The following SLC25A26 variants were observed in gnomAD, a reference collection of about 807,000 sequenced individuals.
SLC25A26 encodes the protein solute carrier family 25 member 26, also known as mitochondrial S-adenosylmethionine carrier protein.
SLC25A26 carries 36 observed loss-of-function variants against 37.8 expected under a neutral mutation model. The ratio of observed to expected loss-of-function variants is 0.95; its 90% CI spans 0.73 to 1.26. The LOEUF is 1.26. Among genes scored for constraint, SLC25A26 ranks in the 50% most tolerant of loss-of-function variants. The pLI is 0.00. For missense variants in SLC25A26, 390 were observed against 331.1 expected (o/e 1.18, Z -1.38); for synonymous variants, 129 against 122.5 (o/e 1.05, Z -0.35).
At chr3:66,266,928 G>T (rs1243014788) in intron 5 of SLC25A26, among the ~76,000 whole-genome samples, 1 of 152,134 alleles carries the variant, frequency 6.6e-6, no homozygotes, top group Non-Finnish European at 1.5e-5. Flanking sequence ...TATAGAGGAA[G>T]AAAGCAGAGT....
intron 5 of SLC25A26, among the ~76,000 whole-genome samples, chr3:66,320,716 T>C (rs2075671542): frequency 6.6e-6 from 1 of 152,212 alleles, no homozygotes; most frequent in South Asian, 2.1e-4. Flanking sequence ...TGTATTAGGG[T>C]TCCAGTGTCT....
intron 5 of SLC25A26, among the ~76,000 whole-genome samples, chr3:66,267,753 T>G (rs555223963): frequency 1.1e-4 from 17 of 152,344 alleles, no homozygotes; most frequent in Admixed American, 1.1e-3. Flanking sequence ...TTCAGTAAGT[T>G]CATTGAAGCC....
At position 66,377,876 on chromosome 3, in the gene SLC25A26, G is replaced by C; in HGVS notation, c.*69G>C. ...TGCAGTGCAAACCCTCTTCCGCTGA[G>C]CAGCTGTCTGAACTATAGGCCCCAG... On this transcript the variant is annotated 3_prime_UTR_variant, in exon 10 of 10. Coordinates refer to ENST00000354883, the MANE Select transcript of SLC25A26 (RefSeq NM_001379210.1). 8.3e-7 allele frequency: 1 copy of C among 1,197,804 alleles called. No individual in the cohort carries two copies. Among genetic ancestry groups the C allele is most frequent in the Non-Finnish European group, 1.2e-6 (1 of 806,640 alleles). The allele number at this position is 1,197,804 out of a possible 1,614,324, so 74.2% of individuals were successfully genotyped here. A position where few individuals can be genotyped will look rare whatever the true frequency, so the allele number is the denominator to read the frequency against.
intron 5 of SLC25A26, among the ~76,000 whole-genome samples, chr3:66,323,412 A>G (rs1293670640): frequency 3.3e-5 from 5 of 152,236 alleles, no homozygotes; most frequent in Admixed American, 3.3e-4. Flanking sequence ...GGCAGAGCCA[A>G]TTTATCAAGA....
At chr3:66,339,848 A>G (rs1575586751) in intron 5 of SLC25A26, among the ~76,000 whole-genome samples, 1 of 152,220 alleles carries the variant, frequency 6.6e-6, no homozygotes, top group South Asian at 2.1e-4. Context: ...TGATGCACAT[A>G]TGTTTTTAAT....
intron 1 of SLC25A26, among the ~76,000 whole-genome samples, chr3:66,202,587 A>G (rs2071125728): frequency 2.0e-5 from 3 of 152,202 alleles, no homozygotes; most frequent in Admixed American, 1.3e-4. Context: ...GACCTTAACA[A>G]GGGTAGATGT....
At chr3:66,231,545 ATAT>A (rs1466497440) in intron 1 of SLC25A26, among the ~76,000 whole-genome samples, 16 of 152,178 alleles carry the variant, frequency 1.1e-4, no homozygotes, top group African/African-American at 3.6e-4. Flanking sequence ...TTAACAAGAA[ATAT>A]TATTAACAGT....
intron 1 of SLC25A26, among the ~76,000 whole-genome samples, chr3:66,149,228 G>T (rs1306745390): frequency 2.0e-5 from 3 of 152,138 alleles, no homozygotes; most frequent in African/African-American, 7.2e-5. Flanking sequence ...TCAGGATTAT[G>T]TTAAGTCTGG....
chr3:66,263,879 C>T (rs950751178), intron 5 of SLC25A26, among the ~76,000 whole-genome samples: 6 of 152,102 alleles, frequency 3.9e-5, no homozygotes, highest in Non-Finnish European at 7.4e-5. Flanking sequence ...AGGATGGTCT[C>T]AATCTCCTGA....
At chr3:66,253,214 T>C (rs943465182) in intron 3 of SLC25A26, among the ~76,000 whole-genome samples, 2 of 151,548 alleles carry the variant, frequency 1.3e-5, no homozygotes, top group Admixed American at 6.6e-5. Flanking sequence ...AAGACCGTCC[T>C]GGCTAACACG....
chr3:66,144,369 A>G (rs2070083638), intron 1 of SLC25A26, among the ~76,000 whole-genome samples: 1 of 152,214 alleles, frequency 6.6e-6, no homozygotes, highest in Admixed American at 6.5e-5. Context: ...AAGACAGTGA[A>G]AATCAGTCTT....
chr3:66,158,539 C>T (rs996882845), intron 1 of SLC25A26, among the ~76,000 whole-genome samples: 7 of 152,090 alleles, frequency 4.6e-5, no homozygotes, highest in African/African-American at 1.4e-4. Context: ...ACCTGTTTTC[C>T]GAAGTGGCTG....
chr3:66,171,016 G>A (rs1347004473), intron 1 of SLC25A26, among the ~76,000 whole-genome samples: 1 of 151,208 alleles, frequency 6.6e-6, no homozygotes, highest in Non-Finnish European at 1.5e-5. Flanking sequence ...TTTTAGCCGG[G>A]ATGGTCTCGA....
At chr3:66,348,378 A>G (rs762862824) in intron 6 of SLC25A26, among the ~76,000 whole-genome samples, 2 of 152,212 alleles carry the variant, frequency 1.3e-5, no homozygotes, top group Non-Finnish European at 2.9e-5. Context: ...GCGTGCACAC[A>G]CATATGTATC....
rs149388385 is a variant in SLC25A26, at chr3:66,221,408, A to T, written c.33+281A>T. 1.6e-3 allele frequency among the ~76,000 whole-genome samples: 237 copies of T among 152,220 alleles called. 1 individual carries two copies. Among genetic ancestry groups the T allele is most frequent in the African/African-American group, 5.5e-3 (228 of 41,542 alleles). On this transcript the variant is annotated intron_variant, in intron 1 of 9. Coordinates refer to ENST00000354883, the MANE Select transcript of SLC25A26 (RefSeq NM_001379210.1). ...ACTTAAAAAAGAGCTTCTATTATAC[A>T]CTGTTAACTACTCTTTCATTAAATA...
Position 66,192,230 on chromosome 3 carries a change from C to T in SLC25A26, c.-353-28512C>T, listed in dbSNP as rs993129177. Among the ~76,000 whole-genome samples, 95 of 149,700 alleles carry T rather than the reference C, an allele frequency of 6.3e-4. No homozygotes were observed. The East Asian group carries it at 0.01, about 16-fold the overall frequency. On this transcript the variant is annotated intron_variant, in intron 1 of 10. Coordinates refer to the SLC25A26 transcript ENST00000676754. Reference sequence around the variant, plus strand: ...ACTCAGGAGGCTGAGGCAGGAGAATCGCTTGCACCTGGGAGGCGGAGGTTG... The same window carrying T: ...ACTCAGGAGGCTGAGGCAGGAGAATTGCTTGCACCTGGGAGGCGGAGGTTG...
chr3:66,181,940 C>G (rs2070717057), intron 1 of SLC25A26, among the ~76,000 whole-genome samples: 1 of 152,080 alleles, frequency 6.6e-6, no homozygotes, highest in Admixed American at 6.5e-5. Context: ...GGGAGCGTGC[C>G]CGTGTGCCCA....
rs1700736393 is a variant in SLC25A26, at chr3:66,377,474, AAAT to A, written c.708-215_708-213del. On this transcript the variant is annotated intron_variant, in intron 9 of 9. Coordinates refer to ENST00000354883, the MANE Select transcript of SLC25A26 (RefSeq NM_001379210.1). ...CAGCTCTTTAACACCTTTTTAAAAA[AAAT>A]CAATTTCATGTTTCAAAGGGAAAAA... 2.0e-5 allele frequency among the ~76,000 whole-genome samples: 3 copies of A among 152,016 alleles called. No individual in the cohort carries two copies. In the South Asian group the frequency reaches 6.3e-4, roughly 32 times the overall value.
chr3:66,331,699 T>C (rs1327358030), intron 5 of SLC25A26, among the ~76,000 whole-genome samples: 2 of 152,192 alleles, frequency 1.3e-5, no homozygotes, highest in South Asian at 2.1e-4. Context: ...GAAATTCTAC[T>C]GTATATTTCC....
Sources: gnomAD v4.1 joint callset for allele counts (sites outside exome capture counted in the v4.1 genomes callset) on GRCh38, gnomAD v4.1.1 for gene constraint, MANE v1.5 for transcripts, NCBI Gene and HGNC (gene_info 2026-07-23, HGNC 2026-07-21) for gene names.